The following NTRK2 variants were observed in gnomAD, a reference collection of about 807,000 sequenced individuals.
NTRK2 encodes neurotrophic receptor tyrosine kinase 2.
Under a neutral mutation model 94.5 loss-of-function variants are expected in NTRK2, and 13 were observed. That is an observed-to-expected ratio of 0.14 (90% CI 0.09 to 0.22). The LOEUF is 0.22. Among genes scored for constraint, NTRK2 ranks in the 10% least tolerant of loss-of-function variants. NTRK2 has a pLI of 1.00. For missense variants in NTRK2, 639 were observed against 1,071.2 expected (o/e 0.60, Z 5.63); for synonymous variants, 372 against 407.4 (o/e 0.91, Z 1.05).
chr9:84,882,918 C>T (rs1260902733), intron 14 of NTRK2, among the ~76,000 whole-genome samples: 1 of 152,076 alleles, frequency 6.6e-6, no homozygotes, highest in Admixed American at 6.5e-5. Flanking sequence ...CAGGCACTAC[C>T]ACACCCGGCT....
intron 5 of NTRK2, among the ~76,000 whole-genome samples, chr9:84,710,416 G>A (rs1434098264): frequency 6.6e-6 from 1 of 152,030 alleles, no homozygotes; most frequent in African/African-American, 2.4e-5. Flanking sequence ...CTGTTATTCT[G>A]TAAGGTCTTC....
At chr9:84,923,843 T>G (rs2077648132) in intron 14 of NTRK2, among the ~76,000 whole-genome samples, 2 of 151,378 alleles carry the variant, frequency 1.3e-5, no homozygotes, top group African/African-American at 4.9e-5. Flanking sequence ...GAGGTCGCAG[T>G]GAACTGAGAT....
In NTRK2 at chr9:84,829,535, G is replaced by A. The variant is rs113788234; in HGVS notation, c.1397-31505G>A. ...AAACGAAATAGCCAAATCAATCATTGTGCTCTCCAGGCCTTCTCAGGATCT... is the reference window on the plus strand; with the variant it reads ...AAACGAAATAGCCAAATCAATCATTATGCTCTCCAGGCCTTCTCAGGATCT... On this transcript the variant is annotated intron_variant, in intron 12 of 18. Transcript: ENST00000277120. Among the ~76,000 whole-genome samples, 269 of 152,196 alleles carry A rather than the reference G, an allele frequency of 1.8e-3. 2 individuals carry two copies. The highest frequency in any genetic ancestry group is 6.2e-3 in the African/African-American group (258 of 41,528).
intron 9 of NTRK2, among the ~76,000 whole-genome samples, chr9:84,740,323 G>C (rs1381266264): frequency 1.3e-5 from 2 of 152,204 alleles, no homozygotes; most frequent in African/African-American, 4.8e-5. Context: ...TCTTCTCAGA[G>C]TGTTATAACA....
At chr9:84,821,749 A>T (rs555641689) in intron 12 of NTRK2, among the ~76,000 whole-genome samples, 13 of 151,756 alleles carry the variant, frequency 8.6e-5, no homozygotes, top group Non-Finnish European at 1.3e-4. Context: ...TTTGCTGTGA[A>T]TTATAAAATA....
intron 17 of NTRK2, among the ~76,000 whole-genome samples, chr9:84,961,846 C>T (rs1218709747): frequency 2.0e-5 from 3 of 152,162 alleles, no homozygotes; most frequent in Non-Finnish European, 1.5e-5. Flanking sequence ...AGGGACACAA[C>T]GTTTGAGCTG....
intron 11 of NTRK2, among the ~76,000 whole-genome samples, chr9:84,749,776 G>A (rs1564185453): frequency 6.6e-6 from 1 of 152,206 alleles, no homozygotes; most frequent in Non-Finnish European, 1.5e-5. Flanking sequence ...CTGAAGTCAT[G>A]CAGCAGAGTG....
chr9:84,814,392 G>A (rs1448085085), intron 12 of NTRK2: 5 of 1,065,460 alleles, frequency 4.7e-6, no homozygotes, highest in Non-Finnish European at 5.7e-6. Flanking sequence ...AGGGAAGCCC[G>A]CTTTCTCTCT....
chr9:84,847,409 A>T (rs1485336931), intron 12 of NTRK2, among the ~76,000 whole-genome samples: 1 of 152,230 alleles, frequency 6.6e-6, no homozygotes, highest in Non-Finnish European at 1.5e-5. Context: ...TATACCATCC[A>T]GGAGTAAATA....
chr9:85,013,128 A>C (rs989180414), intron 17 of NTRK2, among the ~76,000 whole-genome samples: 2 of 152,238 alleles, frequency 1.3e-5, no homozygotes, highest in Admixed American at 6.5e-5. Context: ...TTCCGGAGTG[A>C]GAGATGAGGC....
chr9:84,773,758 A>C (rs533039055), intron 12 of NTRK2, among the ~76,000 whole-genome samples: 1 of 152,190 alleles, frequency 6.6e-6, no homozygotes, highest in South Asian at 2.1e-4. Context: ...TTGAGAATAA[A>C]AGCATCTTTT....
intron 2 of NTRK2, among the ~76,000 whole-genome samples, chr9:84,687,986 T>A (rs2059820160): frequency 6.6e-6 from 1 of 152,144 alleles, no homozygotes; most frequent in Non-Finnish European, 1.5e-5. Context: ...ACCATAGACA[T>A]CAACCTTGGA....
intron 12 of NTRK2, among the ~76,000 whole-genome samples, chr9:84,816,559 T>A (rs915093047): frequency 6.6e-6 from 1 of 151,632 alleles, no homozygotes; most frequent in African/African-American, 2.4e-5. Context: ...GGCGGGCGGA[T>A]CATGAGGTCG....
intron 14 of NTRK2, among the ~76,000 whole-genome samples, chr9:84,891,101 A>C (rs1364310601): frequency 1.3e-5 from 2 of 152,098 alleles, no homozygotes; most frequent in Non-Finnish European, 2.9e-5. Context: ...GGAAAGTCCA[A>C]AATGGTTTCT....
At chr9:84,779,998 C>G (rs1415719651) in intron 12 of NTRK2, among the ~76,000 whole-genome samples, 1 of 152,038 alleles carries the variant, frequency 6.6e-6, no homozygotes, top group Non-Finnish European at 1.5e-5. Flanking sequence ...TTTCTGGCAG[C>G]TAGCCTTTAT....
At chr9:84,751,849 G>C (rs2064649348) in intron 11 of NTRK2, 137 bp from the exon 12 acceptor site, 1 of 722,870 alleles carries the variant, frequency 1.4e-6, no homozygotes, top group Non-Finnish European at 2.5e-6. Context: ...TGTACATAAG[G>C]CTGTTATAAG....
intron 12 of NTRK2, among the ~76,000 whole-genome samples, chr9:84,798,556 C>T (rs1050685742): frequency 5.3e-5 from 8 of 152,158 alleles, no homozygotes; most frequent in Non-Finnish European, 1.0e-4. Flanking sequence ...CTCTCAGAAA[C>T]TTACCTTCCT....
chr9:84,730,531 G>C (rs568964597), intron 9 of NTRK2, among the ~76,000 whole-genome samples: 1 of 134,460 alleles, frequency 7.4e-6, no homozygotes, highest in Non-Finnish European at 1.6e-5. Flanking sequence ...ACGAGGTCAG[G>C]AGATCGAGAC....
At chr9:84,962,720 G>A (rs561743812) in intron 17 of NTRK2, among the ~76,000 whole-genome samples, 27 of 152,226 alleles carry the variant, frequency 1.8e-4, no homozygotes, top group African/African-American at 4.3e-4. Context: ...CCGCTTTCTC[G>A]TGCCTGTGAT....
Sources: gnomAD v4.1 joint callset for allele counts (sites outside exome capture counted in the v4.1 genomes callset) on GRCh38, gnomAD v4.1.1 for gene constraint, MANE v1.5 for transcripts, NCBI Gene and HGNC (gene_info 2026-07-23, HGNC 2026-07-21) for gene names.